Variants in EYS observed in about 807,000 individuals in gnomAD.
EYS encodes the protein protein eyes shut homolog.
Under a neutral mutation model 282.1 loss-of-function variants are expected in EYS, and 250 were observed. The observed-to-expected ratio is 0.89, with a 90% CI of 0.80 to 0.98. The LOEUF is 0.98. EYS is among the 50% of genes least tolerant of loss of function. The pLI is 0.00. For synonymous variants in EYS, 1,355 were observed against 1,282.9 expected, an observed-to-expected ratio of 1.06 and a Z score of -1.20; for missense variants, 4,016 against 3,709.0, an observed-to-expected ratio of 1.08 and a Z score of -2.15.
intron 33 of EYS, among the ~76,000 whole-genome samples, chr6:64,028,740 C>T (rs932158041): frequency 2.0e-5 from 3 of 152,190 alleles, no homozygotes; most frequent in Non-Finnish European, 2.9e-5. Flanking sequence ...TCCAGGCACT[C>T]TGGTCCTTCA....
At chr6:65,460,228 C>T (rs1320389059) in intron 5 of EYS, among the ~76,000 whole-genome samples, 2 of 150,802 alleles carry the variant, frequency 1.3e-5, no homozygotes, top group Admixed American at 1.3e-4. Context: ...ATAATCACAT[C>T]TTTCTAAACT....
At position 64,388,640 on chromosome 6, in the gene EYS, T is replaced by A; in HGVS notation, c.6078+50A>T. ...TTTTTCATTTATCAATATGATGATTTTCAATAATTATTTTCAATAATTAAT... is the reference window on the plus strand; with the variant it reads ...TTTTTCATTTATCAATATGATGATTATCAATAATTATTTTCAATAATTAAT... On this transcript the variant is annotated intron_variant, in intron 29 of 42. Coordinates refer to ENST00000503581, the MANE Select transcript of EYS (RefSeq NM_001142800.2). 5 of 1,372,520 alleles carry A rather than the reference T, an allele frequency of 3.6e-6. No individual in the cohort carries two copies. In the East Asian group the frequency reaches 1.3e-4, roughly 37 times the overall value. The allele number at this position is 1,372,520 out of a possible 1,614,324, so 85.0% of individuals were successfully genotyped here. A position where few individuals can be genotyped will look rare whatever the true frequency, so the allele number is the denominator to read the frequency against.
intron 29 of EYS, among the ~76,000 whole-genome samples, chr6:64,309,987 C>A (rs1023388198): frequency 1.4e-5 from 2 of 146,638 alleles, no homozygotes; most frequent in Non-Finnish European, 3.0e-5. Flanking sequence ...TGCTCAACAT[C>A]ACTAATTAAA....
rs1766170161 is a variant in EYS at position 65,494,669 on chromosome 6, A to T, written c.742T>A (p.Phe248Ile). The stretch of plus-strand genomic sequence containing the variant: ...ATATTTTAAACAATCTTACCTGTAA[A>T]TGGTGGGTGACAGACACATTCATAT... ...QAYECVCHPP[F>I]TGKNCSEIIG... The change falls in exon 4 of 43, where the codon TTT becomes ATT. Residue 248 changes from phenylalanine to isoleucine, a missense_variant. Transcript: ENST00000503581. 6.4e-7 allele frequency: 1 copy of T among 1,561,714 alleles called. No individual in the cohort carries two copies. The highest frequency in any genetic ancestry group is 1.4e-5 in the African/African-American group (1 of 73,188).
chr6:64,414,511 C>T (rs974935452), intron 28 of EYS, among the ~76,000 whole-genome samples: 1 of 152,028 alleles, frequency 6.6e-6, no homozygotes, highest in African/African-American at 2.4e-5. Context: ...CATTCAATAA[C>T]CATTTGGCCA....
intron 12 of EYS, among the ~76,000 whole-genome samples, chr6:65,111,241 C>T (rs1440412608): frequency 6.6e-6 from 1 of 151,902 alleles, no homozygotes; most frequent in Non-Finnish European, 1.5e-5. Context: ...ATGTAGACAA[C>T]AGAATAACCT....
intron 35 of EYS, among the ~76,000 whole-genome samples, chr6:63,918,348 T>A (rs567350388): frequency 2.0e-5 from 3 of 152,326 alleles, no homozygotes; most frequent in African/African-American, 7.2e-5. Flanking sequence ...ACGCATTGAT[T>A]ATAATTTTGA....
At chr6:64,355,923 T>C (rs549341127) in intron 29 of EYS, among the ~76,000 whole-genome samples, 3 of 151,590 alleles carry the variant, frequency 2.0e-5, no homozygotes, top group Non-Finnish European at 4.4e-5. Flanking sequence ...ATGTTAATAT[T>C]TGATCAGAAA....
chr6:65,581,949 G>A (rs1376081316), intron 2 of EYS, among the ~76,000 whole-genome samples: 1 of 151,738 alleles, frequency 6.6e-6, no homozygotes, highest in African/African-American at 2.4e-5. Context: ...CAGCACTTTG[G>A]GAGGCTGAGG....
intron 19 of EYS, among the ~76,000 whole-genome samples, chr6:64,853,372 A>G (rs376503274): frequency 2.6e-5 from 4 of 152,136 alleles, no homozygotes; most frequent in Non-Finnish European, 5.9e-5. Flanking sequence ...TCTATGTGCC[A>G]TTAGATAATT....
At chr6:64,456,164 C>G (rs969133417) in intron 26 of EYS, among the ~76,000 whole-genome samples, 1 of 152,004 alleles carries the variant, frequency 6.6e-6, no homozygotes. Flanking sequence ...TTTTAGTTGA[C>G]CCACCACTCA....
intron 36 of EYS, among the ~76,000 whole-genome samples, chr6:63,862,730 C>T (rs1479812052): frequency 1.3e-5 from 2 of 152,178 alleles, no homozygotes; most frequent in Non-Finnish European, 2.9e-5. Context: ...ATCTGAAAAG[C>T]ATGAGATTTT....
In EYS at chr6:65,622,560, G is replaced by T. The variant is rs187766819; in HGVS notation, c.-333+17218C>A. Reference sequence around the variant, plus strand: ...TTAAGATCTATACAACAGTTTTATGGGATGGTGGTGTTAAAATTATTTTTC... The same window carrying T: ...TTAAGATCTATACAACAGTTTTATGTGATGGTGGTGTTAAAATTATTTTTC... On this transcript the variant is annotated intron_variant, in intron 2 of 42. Transcript: ENST00000503581. Among the ~76,000 whole-genome samples, 635 of 151,774 alleles carry T rather than the reference G, an allele frequency of 4.2e-3. 2 individuals are homozygous for T. Among genetic ancestry groups the T allele is most frequent in the Non-Finnish European group, 5.9e-3 (403 of 67,934 alleles).
chr6:64,663,411 G>A (rs553955715), intron 22 of EYS, among the ~76,000 whole-genome samples: 29 of 152,260 alleles, frequency 1.9e-4, no homozygotes, highest in African/African-American at 7.0e-4. Flanking sequence ...AATTGGTCAT[G>A]GTAGACTAAC....
Position 65,504,689 on chromosome 6 carries a change from G to A in EYS, c.-332-8696C>T, listed in dbSNP as rs567037013. 2.6e-5 allele frequency among the ~76,000 whole-genome samples: 4 copies of A among 151,452 alleles called. No homozygotes were observed. The South Asian group carries it at 6.2e-4, about 24-fold the overall frequency. On this transcript the variant is annotated intron_variant, in intron 2 of 42. Coordinates refer to ENST00000503581, the MANE Select transcript of EYS (RefSeq NM_001142800.2). ...TTTCCTTTAGAGTATCGATATGGTA[G>A]ATTACAATGATTAATTTTAAAATGG... is the stretch of plus-strand genomic sequence containing the variant.
At chr6:64,745,412 G>T (rs757078867) in intron 22 of EYS, among the ~76,000 whole-genome samples, 22 of 152,060 alleles carry the variant, frequency 1.4e-4, no homozygotes, top group Non-Finnish European at 8.8e-5. Flanking sequence ...TTTTATTAAA[G>T]TGAAATTTAT....
chr6:64,821,436 G>C (rs1343136538), intron 21 of EYS, among the ~76,000 whole-genome samples: 1 of 151,740 alleles, frequency 6.6e-6, no homozygotes, highest in Non-Finnish European at 1.5e-5. Context: ...CTAACAACAA[G>C]AGACAAAGAA....
At position 64,812,266 on chromosome 6, in the gene EYS, CACAG is replaced by C. The variant is rs1178389675; in HGVS notation, c.3443+1108_3443+1111del. Among the ~76,000 whole-genome samples, 51 of 149,228 alleles carry C rather than the reference CACAG, an allele frequency of 3.4e-4. 2 individuals carry two copies. Among genetic ancestry groups the C allele is most frequent in the African/African-American group, 1.3e-3 (51 of 38,922 alleles). On this transcript the variant is annotated intron_variant, in intron 22 of 42. Coordinates refer to ENST00000503581, the MANE Select transcript of EYS (RefSeq NM_001142800.2). ...ACACACACACACACACACACACACA[CACAG>C]GTACACACACATGTCTGATGCATGT...
chr6:64,444,401 T>C (rs947138865), intron 26 of EYS, among the ~76,000 whole-genome samples: 4 of 152,174 alleles, frequency 2.6e-5, no homozygotes, highest in Admixed American at 6.5e-5. Context: ...TCGAAGTCTT[T>C]TCATATTATT....
Sources: allele counts gnomAD v4.1 joint callset (sites outside exome capture counted in the v4.1 genomes callset), GRCh38; gene constraint gnomAD v4.1.1; transcripts MANE v1.5; gene names NCBI Gene and HGNC (gene_info 2026-07-23, HGNC 2026-07-21).